HOXA3: variants seen among roughly 807,000 people sequenced by gnomAD.
HOXA3 encodes homeobox protein Hox-A3.
A neutral mutation model predicts 30.3 loss-of-function variants in HOXA3; 8 were observed. The observed-to-expected ratio is 0.26, with a 90% CI of 0.15 to 0.48. The LOEUF (loss-of-function observed/expected upper bound fraction) is 0.48. Ranked by LOEUF, HOXA3 falls within the 20% of genes least tolerant of loss-of-function variation. HOXA3 has a pLI of 0.99. For missense variants in HOXA3, 653 were observed against 614.4 expected, an observed-to-expected ratio of 1.06 and a Z score of -0.66; for synonymous variants, 323 against 273.1, an observed-to-expected ratio of 1.18 and a Z score of -1.80.
intron 2 of HOXA3, among the ~76,000 whole-genome samples, chr7:27,139,425 G>A (rs1785827967): frequency 6.6e-6 from 1 of 152,172 alleles, no homozygotes; most frequent in Non-Finnish European, 1.5e-5. Context: ...GGCCCAGCCT[G>A]GAGGTGCAGC....
At chr7:27,146,259 G>C (rs1782765005) in intron 1 of HOXA3, among the ~76,000 whole-genome samples, 2 of 151,642 alleles carry the variant, frequency 1.3e-5, no homozygotes, top group African/African-American at 4.8e-5. Flanking sequence ...GTTTGTGTGT[G>C]TGTGTGTGTG....
chr7:27,130,160 G>C, intron 2 of HOXA3: 9 of 1,601,632 alleles, frequency 5.6e-6, no homozygotes, highest in Non-Finnish European at 7.6e-6. Flanking sequence ...TACACCACGG[G>C]CTCCTTGCCC....
chr7:27,122,513 C>G (rs1282548661), intron 4 of HOXA3, 46 bp downstream of exon 4: 3 of 152,226 alleles, frequency 2.0e-5, no homozygotes, highest in Non-Finnish European at 4.4e-5. Flanking sequence ...CCCAACCGCC[C>G]TGGTGCAAAG....
At chr7:27,135,639 A>C (rs1461741688) in intron 2 of HOXA3, among the ~76,000 whole-genome samples, 1 of 152,250 alleles carries the variant, frequency 6.6e-6, no homozygotes, top group Non-Finnish European at 1.5e-5. Context: ...TTTAGGGGTC[A>C]TCATGTGTAC....
At chr7:27,129,324 C>T in intron 2 of HOXA3, 1 of 1,614,064 alleles carries the variant, frequency 6.2e-7, no homozygotes, top group Non-Finnish European at 8.5e-7. Flanking sequence ...CGGCAGAGGC[C>T]GAGGCCGAAT....
chr7:27,139,043 G>A lies in HOXA3; in HGVS notation c.-390+1040C>T, dbSNP rs186447906. 6.6e-5 allele frequency among the ~76,000 whole-genome samples: 10 copies of A among 152,192 alleles called. No homozygotes were observed. The East Asian group carries it at 1.9e-3, about 29-fold the overall frequency. On this transcript the variant is annotated intron_variant, in intron 2 of 5. Transcript: ENST00000612286. The stretch of plus-strand genomic sequence containing the variant: ...TCTCCAATCTTAATGTTATCCAGGG[G>A]GCCGCCTAAGTTGCCTTCTGAGGGT...
intron 2 of HOXA3, chr7:27,130,170 C>A (rs867495371): frequency 6.3e-7 from 1 of 1,598,064 alleles, no homozygotes; most frequent in African/African-American, 1.3e-5. Flanking sequence ...GCTCCTTGCC[C>A]TTCAGGCCCA....
At chr7:27,129,269 G>T in intron 2 of HOXA3, 1 of 1,612,574 alleles carries the variant, frequency 6.2e-7, no homozygotes, top group Non-Finnish European at 8.5e-7. Context: ...GGGTGGGGGT[G>T]GGGATGGAGG....
chr7:27,112,658 G>C (rs1479389841), intron 4 of HOXA3, among the ~76,000 whole-genome samples: 1 of 152,168 alleles, frequency 6.6e-6, no homozygotes, highest in Admixed American at 6.5e-5. Flanking sequence ...ACTGAAAACA[G>C]TTCCTATTAC....
chr7:27,134,105 C>G (rs1333934101), intron 2 of HOXA3: 3 of 152,244 alleles, frequency 2.0e-5, no homozygotes, highest in African/African-American at 7.2e-5. Context: ...AGACTGTTCT[C>G]TATCTGATGC....
chr7:27,119,073 T>C (rs2128047437), intron 4 of HOXA3, among the ~76,000 whole-genome samples: 1 of 151,748 alleles, frequency 6.6e-6, no homozygotes, highest in African/African-American at 2.4e-5. Context: ...AGTGCACAAC[T>C]GAGTGATACA....
intron 1 of HOXA3, chr7:27,143,410 G>T (rs754368141): frequency 1.2e-6 from 2 of 1,611,054 alleles, no homozygotes; most frequent in Non-Finnish European, 1.7e-6. Context: ...CGCGCTCTCC[G>T]GAGCCAAAGT....
In HOXA3 at chr7:27,107,610, C is replaced by T. The variant is rs1784084046; in HGVS notation, c.*305G>A. 9.5e-6 allele frequency: 3 copies of T among 314,966 alleles called. No individual in the cohort carries two copies. The highest frequency in any genetic ancestry group is 1.7e-5 in the Non-Finnish European group (3 of 174,232). The allele number at this position is 314,966 out of a possible 1,614,324, so 19.5% of individuals were successfully genotyped here. A position where few individuals can be genotyped will look rare whatever the true frequency, so the allele number is the denominator to read the frequency against. Reference sequence around the variant, plus strand: ...CTCGACTAGAAAATTTGTTCATATACCCTGTTTCTGATCAAAGAGTGGAGA... The same window carrying T: ...CTCGACTAGAAAATTTGTTCATATATCCTGTTTCTGATCAAAGAGTGGAGA... On this transcript the variant is annotated 3_prime_UTR_variant, in exon 6 of 6. Coordinates refer to ENST00000612286, the MANE Select transcript of HOXA3 (RefSeq NM_153631.3).
In HOXA3 at chr7:27,110,544, A is replaced by T. The variant is rs1454687111; in HGVS notation, c.97T>A (p.Tyr33Asn). The change falls in exon 5 of 6, where the codon TAC becomes AAC. Residue 33 changes from tyrosine (Y) to asparagine (N), a missense_variant. Tyr to Asn is a moderately radical substitution (Grantham distance 143). Coordinates refer to ENST00000612286, the MANE Select transcript of HOXA3 (RefSeq NM_153631.3). ...GCGCCCAAAGCGGCGGACGCCGGGTACGGCTGCTGATTGGCATTATAAGCG... is the reference window on the plus strand; with the variant it reads ...GCGCCCAAAGCGGCGGACGCCGGGTTCGGCTGCTGATTGGCATTATAAGCG... ...GFAYNANQQP[Y>N]PASAALGADG... 4 of 1,606,608 alleles carry T rather than the reference A, an allele frequency of 2.5e-6. No individual in the cohort carries two copies. The highest frequency in any genetic ancestry group is 4.5e-5 in the East Asian group (2 of 44,590).
At chr7:27,145,721 T>C in intron 1 of HOXA3, 1 of 1,614,224 alleles carries the variant, frequency 6.2e-7, no homozygotes, top group Non-Finnish European at 8.5e-7. Context: ...TGAGCTTGTT[T>C]TCCTTTTTCC....
At chr7:27,115,029 T>G (rs1167507415) in intron 4 of HOXA3, among the ~76,000 whole-genome samples, 1 of 97,296 alleles carries the variant, frequency 1.0e-5, no homozygotes, top group Non-Finnish European at 2.1e-5. Flanking sequence ...AGAAGCAAAC[T>G]CTGCAAGGGT....
chr7:27,109,659 G>A (rs1251670013), intron 5 of HOXA3, among the ~76,000 whole-genome samples: 1 of 152,216 alleles, frequency 6.6e-6, no homozygotes. Context: ...ATCTGCTGGA[G>A]CAAAAATTGG....
rs540715580 is a variant in HOXA3, at chr7:27,109,675, A to G, written c.526+440T>C. Among the ~76,000 whole-genome samples, 69 of 152,308 alleles carry G rather than the reference A, an allele frequency of 4.5e-4. 1 individual carries two copies. In the South Asian group the frequency reaches 9.7e-3, roughly 22 times the overall value. On this transcript the variant is annotated intron_variant, in intron 5 of 5. Coordinates refer to ENST00000612286, the MANE Select transcript of HOXA3 (RefSeq NM_153631.3). Reference sequence around the variant, plus strand: ...TCTGCTGGAGCAAAAATTGGCTCTGATTATAGGCAAAGCATTGATTCTGTC... The same window carrying G: ...TCTGCTGGAGCAAAAATTGGCTCTGGTTATAGGCAAAGCATTGATTCTGTC...
intron 2 of HOXA3, chr7:27,130,342 T>A (rs1261664747): frequency 5.4e-6 from 6 of 1,117,948 alleles, no homozygotes; most frequent in East Asian, 4.8e-5. Flanking sequence ...GTGGCTCGCA[T>A]GCAGGCCGTG....
Sources: allele counts gnomAD v4.1 joint callset (sites outside exome capture counted in the v4.1 genomes callset), GRCh38; gene constraint gnomAD v4.1.1; transcripts MANE v1.5; gene names NCBI Gene and HGNC (gene_info 2026-07-23, HGNC 2026-07-21).